Variants in FYN observed in about 807,000 individuals in gnomAD.
The protein encoded by FYN is tyrosine-protein kinase Fyn.
Under a neutral mutation model 70.2 loss-of-function variants are expected in FYN, and 10 were observed. The observed-to-expected ratio is 0.14, with a 90% CI of 0.09 to 0.24. The LOEUF (loss-of-function observed/expected upper bound fraction) is 0.24. Ranked by LOEUF, FYN falls within the 10% of genes least tolerant of loss-of-function variation. FYN has a pLI of 1.00. For synonymous variants in FYN, 236 were observed against 248.6 expected (o/e 0.95, Z 0.48); for missense variants, 319 against 673.1 (o/e 0.47, Z 5.82).
chr6:111,698,726 A>G (rs866200180), intron 9 of FYN, among the ~76,000 whole-genome samples: 7 of 152,342 alleles, frequency 4.6e-5, no homozygotes, highest in African/African-American at 1.7e-4. Context: ...TCTACTGAAT[A>G]TCTACTATCT....
Position 111,661,814 on chromosome 6 carries a change from A to G in FYN, c.1539T>C (p.Phe513=), listed in dbSNP as rs1425886308. The G allele has an allele frequency of 2.9e-5, 47 of 1,614,046 alleles. No homozygotes were observed. Among genetic ancestry groups the G allele is most frequent in the Non-Finnish European group, 3.6e-5 (43 of 1,180,034 alleles). Residue 513 remains phenylalanine (F), a synonymous_variant, in exon 14 of 14, where the codon TTT becomes TTC. Coordinates refer to ENST00000354650, the MANE Select transcript of FYN (RefSeq NM_002037.5). This position sits in a 1 kb window ranked among gnomAD's most constrained non-coding sequence, Gnocchi z 4.0. ...WKKDPEERPT[F]EYLQSFLEDY... The stretch of plus-strand genomic sequence containing the variant: ...CTTCCAGGAAGCTCTGCAAGTACTC[A>G]AAAGTGGGGCGTTCTTCAGGGTCCT...
chr6:111,866,315 G>T (rs1774103630), intron 1 of FYN, among the ~76,000 whole-genome samples: 2 of 152,166 alleles, frequency 1.3e-5, no homozygotes, highest in African/African-American at 2.4e-5. Flanking sequence ...GTCAAACCCG[G>T]ACCCTACCCC....
At chr6:111,828,502 A>C (rs958347163) in intron 2 of FYN, among the ~76,000 whole-genome samples, 2 of 152,242 alleles carry the variant, frequency 1.3e-5, no homozygotes, top group Admixed American at 1.3e-4. Context: ...AGGCAGAAGC[A>C]ACCCAAGTGT....
chr6:111,862,632 T>C (rs568549332), intron 1 of FYN, among the ~76,000 whole-genome samples: 9 of 152,298 alleles, frequency 5.9e-5, no homozygotes, highest in Non-Finnish European at 1.3e-4. Flanking sequence ...TGGGGCCAAG[T>C]ATGTCTAGGA....
intron 3 of FYN, among the ~76,000 whole-genome samples, chr6:111,746,451 A>T (rs1802222686): frequency 6.6e-6 from 1 of 152,184 alleles, no homozygotes; most frequent in Non-Finnish European, 1.5e-5. Flanking sequence ...TACTTATTTT[A>T]TGTGGCAAGT....
intron 2 of FYN, among the ~76,000 whole-genome samples, chr6:111,812,594 A>C (rs925774709): frequency 2.7e-5 from 4 of 148,810 alleles, no homozygotes; most frequent in African/African-American, 4.9e-5. Flanking sequence ...TAATTAAATC[A>C]GAAATTTTCC....
intron 2 of FYN, among the ~76,000 whole-genome samples, chr6:111,815,712 CT>C (rs11320954): frequency 0.3 from 41,438 of 140,320 alleles, 8,914 homozygotes; most frequent in African/African-American, 0.66. Context: ...CTGAGTACTT[CT>C]TTTTTTTTTT....
chr6:111,796,259 T>G (rs1480240745), intron 2 of FYN, among the ~76,000 whole-genome samples: 1 of 152,252 alleles, frequency 6.6e-6, no homozygotes, highest in Non-Finnish European at 1.5e-5. Context: ...TAATGAAATT[T>G]CAGTCAGTGA....
intron 3 of FYN, among the ~76,000 whole-genome samples, chr6:111,726,280 C>A (rs1583368566): frequency 6.6e-6 from 1 of 152,198 alleles, no homozygotes; most frequent in African/African-American, 2.4e-5. Context: ...TAGGCAGCAG[C>A]AGAAAACTAA....
intron 13 of FYN, among the ~76,000 whole-genome samples, chr6:111,673,319 AC>A (rs760948402): frequency 3.4e-4 from 51 of 152,154 alleles, no homozygotes; most frequent in Middle Eastern, 6.8e-3. Flanking sequence ...AAACTGACTT[AC>A]ACCCGCATCT....
intron 3 of FYN, among the ~76,000 whole-genome samples, chr6:111,777,191 G>A (rs964940454): frequency 3.3e-5 from 5 of 152,138 alleles, no homozygotes; most frequent in African/African-American, 9.7e-5. Context: ...TGTATAAGCC[G>A]TCAGAGGCCC....
intron 3 of FYN, among the ~76,000 whole-genome samples, chr6:111,767,690 C>G (rs1461579376): frequency 2.6e-5 from 4 of 152,200 alleles, no homozygotes; most frequent in Non-Finnish European, 5.9e-5. Context: ...ATGGGTCACC[C>G]TGCCTGGCCC....
chr6:111,735,397 T>A (rs1247963638), intron 3 of FYN, among the ~76,000 whole-genome samples: 1 of 152,118 alleles, frequency 6.6e-6, no homozygotes, highest in Non-Finnish European at 1.5e-5. Context: ...CTTTCCTAGG[T>A]GCAATATGCA....
intron 3 of FYN, among the ~76,000 whole-genome samples, chr6:111,735,176 A>G (rs1801654667): frequency 6.6e-6 from 1 of 152,186 alleles, no homozygotes; most frequent in Admixed American, 6.5e-5. Flanking sequence ...TTATGGCCAT[A>G]TTTATGGAGC....
At chr6:111,745,446 G>A (rs570250701) in intron 3 of FYN, among the ~76,000 whole-genome samples, 28 of 152,278 alleles carry the variant, frequency 1.8e-4, no homozygotes, top group African/African-American at 6.5e-4. Flanking sequence ...AAGGGGGTGC[G>A]CAAGGGGATG....
intron 1 of FYN, among the ~76,000 whole-genome samples, chr6:111,854,724 A>C (rs1773777682): frequency 6.6e-6 from 1 of 152,252 alleles, no homozygotes; most frequent in Admixed American, 6.5e-5. Flanking sequence ...TGCAAGTTTA[A>C]TAAAAAATTA....
intron 12 of FYN, among the ~76,000 whole-genome samples, chr6:111,674,928 T>C (rs1027093204): frequency 1.3e-5 from 2 of 152,178 alleles, no homozygotes; most frequent in Admixed American, 1.3e-4. Flanking sequence ...TAATGCTATG[T>C]TTTAATAAAC....
At chr6:111,834,617 C>T (rs1029065183) in intron 2 of FYN, among the ~76,000 whole-genome samples, 2 of 152,142 alleles carry the variant, frequency 1.3e-5, no homozygotes, top group African/African-American at 4.8e-5. Context: ...GAAGGTGGTG[C>T]CAACCTTGCT....
At chr6:111,734,508 C>G (rs1437253062) in intron 3 of FYN, among the ~76,000 whole-genome samples, 1 of 152,156 alleles carries the variant, frequency 6.6e-6, no homozygotes, top group Non-Finnish European at 1.5e-5. Flanking sequence ...AAATGAAGAA[C>G]AACTTATGAT....
Sources: gnomAD v4.1 joint callset for allele counts (sites outside exome capture counted in the v4.1 genomes callset) on GRCh38, gnomAD v4.1.1 for gene constraint, Gnocchi (gnomAD v3.1) non-coding constraint, MANE v1.5 for transcripts, NCBI Gene and HGNC (gene_info 2026-07-23, HGNC 2026-07-21) for gene names.